Variants in SGMS1 observed in about 807,000 individuals in gnomAD.
SGMS1 encodes sphingomyelin synthase 1.
SGMS1 carries 13 observed loss-of-function variants against 46.2 expected under a neutral mutation model. The ratio of observed to expected loss-of-function variants is 0.28; its 90% CI spans 0.18 to 0.45. SGMS1 has a LOEUF of 0.45. Ranked by LOEUF, SGMS1 falls within the 20% of genes least tolerant of loss-of-function variation. The probability of loss-of-function intolerance (pLI) is 1.00; values close to 1 mark genes in which losing one functional copy is unlikely to be tolerated. For synonymous variants in SGMS1, 203 were observed against 187.8 expected (o/e 1.08, Z -0.66); for missense variants, 324 against 519.9 (o/e 0.62, Z 3.66).
intron 6 of SGMS1, among the ~76,000 whole-genome samples, chr10:50,426,410 T>TA (rs1849327574): frequency 6.6e-6 from 1 of 152,204 alleles, no homozygotes; most frequent in Admixed American, 6.5e-5. Flanking sequence ...ATTTAATAGA[T>TA]ACAAGTGAAT....
At chr10:50,317,612 A>G (rs1326484650) in intron 8 of SGMS1, among the ~76,000 whole-genome samples, 2 of 152,142 alleles carry the variant, frequency 1.3e-5, no homozygotes, top group African/African-American at 4.8e-5. Context: ...AGGCTGGACA[A>G]TTTCTCCAGG....
intron 2 of SGMS1, among the ~76,000 whole-genome samples, chr10:50,574,051 A>G (rs887481603): frequency 1.3e-5 from 2 of 152,206 alleles, no homozygotes; most frequent in Admixed American, 1.3e-4. Context: ...TGTACATAAG[A>G]TCTGAAACTA....
chr10:50,596,362 G>C (rs1838593032), intron 1 of SGMS1, among the ~76,000 whole-genome samples: 1 of 152,182 alleles, frequency 6.6e-6, no homozygotes, highest in Non-Finnish European at 1.5e-5. Context: ...ATTTTCAGTA[G>C]AGACAGGGTT....
intron 2 of SGMS1, among the ~76,000 whole-genome samples, chr10:50,529,553 G>A (rs1399099653): frequency 1.3e-5 from 2 of 152,134 alleles, no homozygotes; most frequent in African/African-American, 2.4e-5. Context: ...ATTACAGGAG[G>A]TTCGATTTTC....
At chr10:50,513,765 T>C (rs1334945301) in intron 3 of SGMS1, among the ~76,000 whole-genome samples, 3 of 152,188 alleles carry the variant, frequency 2.0e-5, no homozygotes, top group Non-Finnish European at 2.9e-5. Context: ...TTTATAAACA[T>C]TTTTTAAAAA....
At chr10:50,475,106 G>C (rs572106929) in intron 3 of SGMS1, among the ~76,000 whole-genome samples, 1 of 152,218 alleles carries the variant, frequency 6.6e-6, no homozygotes, top group African/African-American at 2.4e-5. Flanking sequence ...ATAAGGCTAT[G>C]CACTTTTGAC....
chr10:50,418,856 T>G (rs1849217481), intron 6 of SGMS1, among the ~76,000 whole-genome samples: 1 of 152,184 alleles, frequency 6.6e-6, no homozygotes, highest in Non-Finnish European at 1.5e-5. Flanking sequence ...CCTAACAGTT[T>G]ACAGATTACA....
rs772605220 is a variant in SGMS1 at position 50,483,555 on chromosome 10, A to AT, written c.-497-16624dup. On this transcript the variant is annotated intron_variant, in intron 3 of 10. Transcript: ENST00000361781. ...AATCAAGTGGACCTGATAGATATCT[A>AT]TAGAACTCTCCTCCCCAAAACAAAA... Among the ~76,000 whole-genome samples the AT allele has an allele frequency of 4.2e-4, 64 of 152,242 alleles. 4 individuals are homozygous for AT. Among genetic ancestry groups the AT allele is most frequent in the Non-Finnish European group, 2.9e-5 (2 of 68,046 alleles).
intron 7 of SGMS1, chr10:50,340,601 C>T (rs1847801881): frequency 6.6e-6 from 1 of 151,896 alleles, no homozygotes; most frequent in Admixed American, 6.5e-5. Context: ...TATATACATA[C>T]AGATATGCAG....
chr10:50,473,034 A>G (rs1046376538), intron 3 of SGMS1: 1 of 152,240 alleles, frequency 6.6e-6, no homozygotes, highest in African/African-American at 2.4e-5. Context: ...ACACTATATT[A>G]GAACATAATA....
At chr10:50,446,126 C>G (rs189048178) in intron 5 of SGMS1, among the ~76,000 whole-genome samples, 1 of 152,022 alleles carries the variant, frequency 6.6e-6, no homozygotes, top group African/African-American at 2.4e-5. Flanking sequence ...AATGCGTGCC[C>G]GAAACTTCAT....
At chr10:50,351,885 T>C (rs537764625) in intron 6 of SGMS1, among the ~76,000 whole-genome samples, 15 of 152,296 alleles carry the variant, frequency 9.8e-5, no homozygotes, top group South Asian at 2.1e-4. Flanking sequence ...TACTAATTAC[T>C]CTAGGAAGTA....
At chr10:50,604,735 T>C (rs1425236290) in intron 1 of SGMS1, among the ~76,000 whole-genome samples, 4 of 152,158 alleles carry the variant, frequency 2.6e-5, no homozygotes, top group African/African-American at 4.8e-5. Context: ...TAAAAAGTCC[T>C]CGATTGATCA....
chr10:50,538,318 C>T lies in SGMS1; in HGVS notation c.-588-18397G>A, dbSNP rs373986549. Reference sequence around the variant, plus strand: ...TAAAAATACAAAAAAATTAGCCGGGCGTGGTGGTGGGTGCCTGTAGTCCCA... The same window carrying T: ...TAAAAATACAAAAAAATTAGCCGGGTGTGGTGGTGGGTGCCTGTAGTCCCA... On this transcript the variant is annotated intron_variant, in intron 2 of 10. Coordinates refer to ENST00000361781, the MANE Select transcript of SGMS1 (RefSeq NM_147156.4). Among the ~76,000 whole-genome samples the T allele has an allele frequency of 5.3e-5, 8 of 151,144 alleles. No homozygotes were observed. In the East Asian group the frequency reaches 7.9e-4, roughly 15 times the overall value.
At chr10:50,497,558 C>T (rs1010716393) in intron 3 of SGMS1, among the ~76,000 whole-genome samples, 2 of 152,092 alleles carry the variant, frequency 1.3e-5, no homozygotes, top group Admixed American at 6.5e-5. Context: ...TTTGGGAGGC[C>T]GAGGCAGATG....
At chr10:50,365,914 A>G (rs189296727) in intron 6 of SGMS1, among the ~76,000 whole-genome samples, 1 of 152,338 alleles carries the variant, frequency 6.6e-6, no homozygotes, top group East Asian at 1.9e-4. Flanking sequence ...TCTTTATACT[A>G]GAATGATTTA....
chr10:50,600,866 A>G (rs936140638), intron 1 of SGMS1, among the ~76,000 whole-genome samples: 6 of 152,194 alleles, frequency 3.9e-5, no homozygotes, highest in African/African-American at 1.4e-4. Flanking sequence ...GTCTAGGAAG[A>G]TGAGGACAAA....
At chr10:50,342,427 C>G (rs576549742) in intron 7 of SGMS1, 1 of 152,074 alleles carries the variant, frequency 6.6e-6, no homozygotes, top group Non-Finnish European at 1.5e-5. Context: ...CAGTTAAGAC[C>G]GTCCATCCCT....
intron 6 of SGMS1, among the ~76,000 whole-genome samples, chr10:50,431,274 G>A (rs1364279800): frequency 1.3e-5 from 2 of 152,056 alleles, no homozygotes; most frequent in Non-Finnish European, 2.9e-5. Flanking sequence ...CTGACTCAGC[G>A]GGAACTATAA....
Sources: gnomAD v4.1 joint callset for allele counts (sites outside exome capture counted in the v4.1 genomes callset) on GRCh38, gnomAD v4.1.1 for gene constraint, MANE v1.5 for transcripts, NCBI Gene and HGNC (gene_info 2026-07-23, HGNC 2026-07-21) for gene names.